Variants in MAP3K5 observed in about 807,000 individuals in gnomAD.
MAP3K5 encodes ASK-1.
MAP3K5 carries 56 observed loss-of-function variants against 158.7 expected under a neutral mutation model. The ratio of observed to expected loss-of-function variants is 0.35; its 90% CI spans 0.28 to 0.44. The LOEUF (loss-of-function observed/expected upper bound fraction) is 0.44, where lower values mean the gene tolerates loss of function less well. MAP3K5 is among the 20% of genes least tolerant of loss of function. The pLI is 1.00. For missense variants in MAP3K5, 1,294 were observed against 1,674.8 expected, an observed-to-expected ratio of 0.77 and a Z score of 3.97; for synonymous variants, 579 against 601.7, an observed-to-expected ratio of 0.96 and a Z score of 0.55.
intron 1 of MAP3K5, among the ~76,000 whole-genome samples, chr6:136,776,935 T>C (rs769644900): frequency 6.6e-6 from 1 of 152,230 alleles, no homozygotes; most frequent in Non-Finnish European, 1.5e-5. Context: ...TCATATGTCA[T>C]ATTTAATGGC....
At chr6:136,669,975 C>T (rs1779412648) in intron 7 of MAP3K5, among the ~76,000 whole-genome samples, 1 of 150,950 alleles carries the variant, frequency 6.6e-6, no homozygotes, top group East Asian at 1.9e-4. Context: ...GTAGTTTTTA[C>T]AAACTCTTAA....
chr6:136,611,721 G>A (rs1432556185), intron 17 of MAP3K5, among the ~76,000 whole-genome samples: 2 of 152,138 alleles, frequency 1.3e-5, no homozygotes, highest in African/African-American at 4.8e-5. Flanking sequence ...CTCACTTGGA[G>A]AAATTTAATT....
chr6:136,577,834 A>G (rs1774687293), intron 25 of MAP3K5, among the ~76,000 whole-genome samples: 1 of 152,232 alleles, frequency 6.6e-6, no homozygotes, highest in Admixed American at 6.5e-5. Context: ...ATTGGTATAA[A>G]CTATTAACTA....
chr6:136,669,884 G>GGT (rs60778677), intron 7 of MAP3K5, among the ~76,000 whole-genome samples: 72,571 of 144,230 alleles, frequency 0.5, 18,313 homozygotes, highest in South Asian at 0.71. Flanking sequence ...CATCATTCAG[G>GGT]GTGTGTGTGT....
intron 8 of MAP3K5, among the ~76,000 whole-genome samples, chr6:136,666,123 T>C (rs1162696685): frequency 6.6e-6 from 1 of 152,234 alleles, no homozygotes; most frequent in Non-Finnish European, 1.5e-5. Context: ...ATGTAGGATA[T>C]GGCTCTGTGT....
chr6:136,690,720 A>G (rs1429380309), intron 7 of MAP3K5, among the ~76,000 whole-genome samples: 2 of 152,152 alleles, frequency 1.3e-5, no homozygotes, highest in Non-Finnish European at 2.9e-5. Flanking sequence ...CATATCCTAT[A>G]TTGGTTACAT....
At chr6:136,749,171 G>A (rs1028664896) in intron 1 of MAP3K5, among the ~76,000 whole-genome samples, 7 of 151,980 alleles carry the variant, frequency 4.6e-5, no homozygotes, top group Non-Finnish European at 8.8e-5. Flanking sequence ...TCAGGAGTTC[G>A]AGACCAGCCT....
At chr6:136,785,978 C>G (rs986101111) in intron 1 of MAP3K5, among the ~76,000 whole-genome samples, 6 of 152,170 alleles carry the variant, frequency 3.9e-5, no homozygotes, top group Non-Finnish European at 7.4e-5. Flanking sequence ...GTGCTCCAAG[C>G]AAGAACCTTC....
At chr6:136,596,453 TGGA>T (rs1775634639) in intron 21 of MAP3K5, among the ~76,000 whole-genome samples, 1 of 152,066 alleles carries the variant, frequency 6.6e-6, no homozygotes, top group Non-Finnish European at 1.5e-5. Flanking sequence ...GGTGGAGATC[TGGA>T]GACACTGTAC....
chr6:136,561,277 A>T (rs375937316), intron 28 of MAP3K5, among the ~76,000 whole-genome samples: 2 of 152,004 alleles, frequency 1.3e-5, no homozygotes, highest in African/African-American at 4.8e-5. Flanking sequence ...TTCTCCAACA[A>T]CCTTCCCCAA....
intron 11 of MAP3K5, among the ~76,000 whole-genome samples, chr6:136,646,408 G>A (rs1402172915): frequency 6.6e-6 from 1 of 151,976 alleles, no homozygotes; most frequent in Non-Finnish European, 1.5e-5. Flanking sequence ...GAATGAAAAC[G>A]AGGCTCACTT....
chr6:136,665,020 A>C (rs928849083), intron 8 of MAP3K5, among the ~76,000 whole-genome samples: 1 of 152,150 alleles, frequency 6.6e-6, no homozygotes, highest in Non-Finnish European at 1.5e-5. Flanking sequence ...ATGTCTCGCC[A>C]CCCTATTATT....
At chr6:136,558,104 C>T (rs763517729) in intron 29 of MAP3K5, among the ~76,000 whole-genome samples, 1 of 152,140 alleles carries the variant, frequency 6.6e-6, no homozygotes, top group African/African-American at 2.4e-5. Flanking sequence ...TTGGGCTGGG[C>T]GCGGTGGCGC....
chr6:136,671,217 G>A (rs1246156107), intron 7 of MAP3K5, among the ~76,000 whole-genome samples: 2 of 152,112 alleles, frequency 1.3e-5, no homozygotes, highest in Non-Finnish European at 2.9e-5. Context: ...CAAAAATGAA[G>A]ACATATCGAA....
intron 10 of MAP3K5, among the ~76,000 whole-genome samples, chr6:136,653,947 T>C (rs1475877466): frequency 6.6e-6 from 1 of 152,078 alleles, no homozygotes; most frequent in Non-Finnish European, 1.5e-5. Flanking sequence ...GGAGTAGTAT[T>C]TAGAGATGAG....
chr6:136,700,064 ACT>A (rs1780778489), intron 3 of MAP3K5, among the ~76,000 whole-genome samples: 1 of 152,066 alleles, frequency 6.6e-6, no homozygotes, highest in Non-Finnish European at 1.5e-5. Context: ...ACAGAGCGAG[ACT>A]CTGTCAGGAG....
chr6:136,566,403 G>C (rs1009587813), intron 26 of MAP3K5, among the ~76,000 whole-genome samples: 1 of 150,624 alleles, frequency 6.6e-6, no homozygotes, highest in Admixed American at 6.6e-5. Flanking sequence ...AGAGATCACA[G>C]CAGGAGTCCA....
intron 14 of MAP3K5, among the ~76,000 whole-genome samples, chr6:136,633,837 T>C (rs1396179346): frequency 6.6e-6 from 1 of 152,236 alleles, no homozygotes; most frequent in African/African-American, 2.4e-5. Flanking sequence ...AAGTAGCATT[T>C]CCTGGCCTTT....
chr6:136,593,821 T>C (rs1775504357), intron 21 of MAP3K5: 2 of 369,920 alleles, frequency 5.4e-6, no homozygotes, highest in African/African-American at 2.1e-5. Flanking sequence ...TATAAAATTA[T>C]AGAAAAGGAA....
Sources: allele counts gnomAD v4.1 joint callset (sites outside exome capture counted in the v4.1 genomes callset), GRCh38; gene constraint gnomAD v4.1.1; transcripts MANE v1.5; gene names NCBI Gene and HGNC (gene_info 2026-07-23, HGNC 2026-07-21).